Variants in RBM47 observed in about 807,000 individuals in gnomAD.
The protein encoded by RBM47 is RNA-binding protein 47.
In RBM47, 21 loss-of-function variants were observed where a neutral mutation model predicts 47.1. The ratio of observed to expected loss-of-function variants is 0.45; its 90% CI spans 0.32 to 0.64. RBM47 has a LOEUF of 0.64. Ranked by LOEUF, RBM47 falls within the 30% of genes least tolerant of loss-of-function variation. The pLI is 0.05. For missense variants in RBM47, 708 were observed against 870.9 expected, an observed-to-expected ratio of 0.81 and a Z score of 2.35; for synonymous variants, 375 against 361.7, an observed-to-expected ratio of 1.04 and a Z score of -0.42.
intron 1 of RBM47, among the ~76,000 whole-genome samples, chr4:40,570,194 T>C (rs1399567375): frequency 2.0e-5 from 3 of 151,852 alleles, no homozygotes; most frequent in Non-Finnish European, 4.4e-5. Context: ...AAGTGATGGT[T>C]TGGGGATGAT....
chr4:40,488,745 A>C (rs1721466288), intron 2 of RBM47, among the ~76,000 whole-genome samples: 1 of 152,200 alleles, frequency 6.6e-6, no homozygotes, highest in East Asian at 1.9e-4. Flanking sequence ...CTTTACATGG[A>C]GTTGACTCAG....
intron 1 of RBM47, among the ~76,000 whole-genome samples, chr4:40,601,037 C>T (rs567880242): frequency 6.9e-6 from 1 of 144,752 alleles, no homozygotes; most frequent in Non-Finnish European, 1.5e-5. Flanking sequence ...TCCTAGTAAG[C>T]CTTTCCAGTC....
At chr4:40,449,187 G>A (rs1008226685) in intron 3 of RBM47, among the ~76,000 whole-genome samples, 20 of 152,192 alleles carry the variant, frequency 1.3e-4, no homozygotes, top group African/African-American at 4.1e-4. Context: ...ACAATAAGCC[G>A]AAGACTTTGA....
intron 3 of RBM47, among the ~76,000 whole-genome samples, chr4:40,454,980 T>C (rs16852223): frequency 0.034 from 5,107 of 152,314 alleles, 113 homozygotes; most frequent in Middle Eastern, 0.051. Context: ...AAGACCACGA[T>C]TGGTGAGAAA....
chr4:40,425,923 T>C lies in RBM47; in HGVS notation c.1763A>G (p.Asp588Gly). ...PAAAIQVPIP[D>G]VYQTY The stretch of plus-strand genomic sequence containing the variant: ...CCAGCCTCAGTATGTCTGGTAGACG[T>C]CGGGGATGGGGACCTGAATGGCAGC... The change falls in exon 7 of 7, where the codon GAC becomes GGC. Residue 588 changes from aspartate to glycine, a missense_variant. Coordinates refer to ENST00000295971, the MANE Select transcript of RBM47 (RefSeq NM_001098634.2). 1 of 1,614,224 alleles carries C rather than the reference T, an allele frequency of 6.2e-7. No homozygotes were observed. Among genetic ancestry groups the C allele is most frequent in the Non-Finnish European group, 8.5e-7 (1 of 1,180,042 alleles).
rs569615948 is a variant in RBM47 at position 40,564,265 on chromosome 4, C to T, written c.-239-19759G>A. On this transcript the variant is annotated intron_variant, in intron 1 of 6. Transcript: ENST00000295971. ...AATCTACCACACGTTCTCCTCTGGG[C>T]TCTTTCCTCTTCTGGCTGACTGGGA... is the stretch of plus-strand genomic sequence containing the variant. Among the ~76,000 whole-genome samples the T allele has an allele frequency of 2.6e-5, 4 of 152,310 alleles. No homozygotes were observed. In the East Asian group the frequency reaches 7.7e-4, roughly 29 times the overall value.
At chr4:40,504,519 C>G (rs879587422) in intron 2 of RBM47, among the ~76,000 whole-genome samples, 8 of 152,096 alleles carry the variant, frequency 5.3e-5, no homozygotes, top group Non-Finnish European at 1.5e-5. Context: ...TCTCGAACTC[C>G]TGACCTCAAG....
intron 1 of RBM47, among the ~76,000 whole-genome samples, chr4:40,581,281 G>C (rs1460839796): frequency 1.3e-5 from 2 of 152,126 alleles, no homozygotes; most frequent in Admixed American, 1.3e-4. Context: ...AATTAGCTGA[G>C]CATGGTGACA....
Position 40,618,537 on chromosome 4 carries a change from G to A in RBM47, c.-240+10859C>T, listed in dbSNP as rs536067302. Among the ~76,000 whole-genome samples, 9 of 152,200 alleles carry A rather than the reference G, an allele frequency of 5.9e-5. 1 individual carries two copies. In the South Asian group the frequency reaches 1.5e-3, roughly 25 times the overall value. ...AAAAGGGGGAAACTTCTAGCTGGGG[G>A]TAGTGGCTCACACCTGTAATTCCAG... On this transcript the variant is annotated intron_variant, in intron 1 of 6. Transcript: ENST00000295971.
intron 2 of RBM47, among the ~76,000 whole-genome samples, chr4:40,476,303 C>T (rs1719601982): frequency 6.6e-6 from 1 of 151,994 alleles, no homozygotes; most frequent in African/African-American, 2.4e-5. Flanking sequence ...GCTTTTTCCC[C>T]TTCTCATTAT....
chr4:40,515,388 A>G (rs1304058847), intron 2 of RBM47, among the ~76,000 whole-genome samples: 1 of 152,098 alleles, frequency 6.6e-6, no homozygotes, highest in Non-Finnish European at 1.5e-5. Flanking sequence ...CATCTAAGAC[A>G]TGAAAAAGCA....
chr4:40,587,840 T>C (rs1182251599), intron 1 of RBM47, among the ~76,000 whole-genome samples: 1 of 152,248 alleles, frequency 6.6e-6, no homozygotes, highest in African/African-American at 2.4e-5. Context: ...TTGACTGTTT[T>C]CATTTCAGAG....
chr4:40,573,197 T>C (rs1241687786), intron 1 of RBM47, among the ~76,000 whole-genome samples: 1 of 150,566 alleles, frequency 6.6e-6, no homozygotes, highest in Non-Finnish European at 1.5e-5. Flanking sequence ...TTTCTATCCC[T>C]AGTTGAGAAC....
chr4:40,578,720 G>T (rs1732570346), intron 1 of RBM47, among the ~76,000 whole-genome samples: 1 of 152,208 alleles, frequency 6.6e-6, no homozygotes, highest in African/African-American at 2.4e-5. Context: ...CACTGCCTCA[G>T]TTCCTCATCT....
chr4:40,448,748 T>C (rs1007364302), intron 3 of RBM47, among the ~76,000 whole-genome samples: 1 of 152,214 alleles, frequency 6.6e-6, no homozygotes, highest in African/African-American at 2.4e-5. Context: ...TGGCACACAA[T>C]TTGTTTAAAA....
intron 1 of RBM47, among the ~76,000 whole-genome samples, chr4:40,558,514 A>G (rs1044119470): frequency 7.6e-6 from 1 of 131,114 alleles, no homozygotes; most frequent in Non-Finnish European, 1.6e-5. Context: ...CCCTGTCTCT[A>G]TTAAAACTAC....
chr4:40,477,643 C>A (rs756941109), intron 2 of RBM47, among the ~76,000 whole-genome samples: 5 of 151,828 alleles, frequency 3.3e-5, no homozygotes, highest in Non-Finnish European at 7.4e-5. Flanking sequence ...CCAAATGCTA[C>A]CAAAAAATAA....
chr4:40,536,873 C>T (rs1455648875), intron 2 of RBM47, among the ~76,000 whole-genome samples: 1 of 152,090 alleles, frequency 6.6e-6, no homozygotes, highest in East Asian at 1.9e-4. Context: ...TTACAGACAG[C>T]TGCCACCACG....
intron 1 of RBM47, among the ~76,000 whole-genome samples, chr4:40,606,468 C>G (rs1735768572): frequency 6.6e-6 from 1 of 152,154 alleles, no homozygotes; most frequent in African/African-American, 2.4e-5. Context: ...AGAGGACACA[C>G]AATCTCTGGC....
Sources: gnomAD v4.1 joint callset for allele counts (sites outside exome capture counted in the v4.1 genomes callset) on GRCh38, gnomAD v4.1.1 for gene constraint, MANE v1.5 for transcripts, NCBI Gene and HGNC (gene_info 2026-07-23, HGNC 2026-07-21) for gene names.